The following LRRC75A variants were observed in gnomAD, a reference collection of about 807,000 sequenced individuals.
LRRC75A encodes the protein leucine-rich repeat-containing protein 75A.
Under a neutral mutation model 26.0 loss-of-function variants are expected in LRRC75A, and 12 were observed. That is an observed-to-expected ratio of 0.46 (90% confidence interval 0.30 to 0.75). The LOEUF (loss-of-function observed/expected upper bound fraction) is 0.75, where lower values mean the gene tolerates loss of function less well. LRRC75A is among the 30% of genes least tolerant of loss of function. The pLI, the probability that LRRC75A is intolerant of heterozygous loss-of-function variation, is 0.08. For synonymous variants in LRRC75A, 223 were observed against 219.3 expected (o/e 1.02, Z -0.15); for missense variants, 410 against 486.6 (o/e 0.84, Z 1.48).
chr17:16,447,789 T>C (rs2093598450), intron 3 of LRRC75A, 56 bp downstream of exon 3: 1 of 1,315,580 alleles, frequency 7.6e-7, no homozygotes, highest in Non-Finnish European at 1.0e-6. Context: ...CTGGGAGGGG[T>C]GCCCTGTAAC....
intron 2 of LRRC75A, chr17:16,460,837 G>A (rs1601146156): frequency 1.3e-5 from 2 of 152,378 alleles, no homozygotes; most frequent in Admixed American, 1.3e-4. Flanking sequence ...GGCAGAGTCT[G>A]GCACCTGGCA....
chr17:16,492,010 ACT>A lies in LRRC75A; in HGVS notation c.-22_-21del. The stretch of plus-strand genomic sequence containing the variant: ...GCCCATGCCGCCGCCGCCCGCCGGG[ACT>A]CTCCGCTCTGGGCCGCGAGGCCGCG... On this transcript the variant is annotated 5_prime_UTR_variant, in exon 1 of 4. Transcript: ENST00000470794. 1 of 1,146,532 alleles carries A rather than the reference ACT, an allele frequency of 8.7e-7. No homozygotes were observed. 71.0% of individuals were successfully genotyped at this position (1,146,532 alleles called of 1,614,324 possible).
rs937637516 is a variant in LRRC75A at position 16,491,425 on chromosome 17, C to T, written c.246+320G>A. ...GCCCTGGCCCAGATCAGGCAGGCAT[C>T]CCTGCTTCCCCGCCCACCGACTGTC... On this transcript the variant is annotated intron_variant, in intron 1 of 3. Transcript: ENST00000470794. This position sits in a 1 kb window ranked among gnomAD's most constrained non-coding sequence, Gnocchi z 5.9. 1.3e-5 allele frequency among the ~76,000 whole-genome samples: 2 copies of T among 152,210 alleles called. No homozygotes were observed. The highest frequency in any genetic ancestry group is 1.3e-4 in the Admixed American group (2 of 15,290).
chr17:16,447,143 T>C, intron 3 of LRRC75A: 1 of 229,792 alleles, frequency 4.4e-6, no homozygotes, highest in Non-Finnish European at 9.1e-6. Context: ...CCAGGAAGCC[T>C]TACTTCCAGG....
rs2093859153 is a variant in LRRC75A, at chr17:16,492,168, T to A, written c.-178A>T. 5.5e-6 allele frequency: 2 copies of A among 362,180 alleles called. No homozygotes were observed. Among genetic ancestry groups the A allele is most frequent in the Non-Finnish European group, 7.6e-6 (2 of 262,818 alleles). The allele number at this position is 362,180 out of a possible 1,614,324, so 22.4% of individuals were successfully genotyped here. A position where few individuals can be genotyped will look rare whatever the true frequency, so the allele number is the denominator to read the frequency against. Reference sequence around the variant, plus strand: ...CGGCTGTCGGCGCTCCCCGCGCTCCTCCCTCTTGGCTACCCGGGCGCGCTC... The same window carrying A: ...CGGCTGTCGGCGCTCCCCGCGCTCCACCCTCTTGGCTACCCGGGCGCGCTC... On this transcript the variant is annotated 5_prime_UTR_variant, in exon 1 of 4. Coordinates refer to ENST00000470794, the MANE Select transcript of LRRC75A (RefSeq NM_001113567.3).
intron 1 of LRRC75A, among the ~76,000 whole-genome samples, chr17:16,475,089 T>C (rs1226003881): frequency 1.3e-5 from 2 of 152,088 alleles, no homozygotes; most frequent in African/African-American, 4.8e-5. Flanking sequence ...TAGAGGATCC[T>C]TCTGGCTCCC....
chr17:16,468,410 A>C (rs894200925), intron 1 of LRRC75A, among the ~76,000 whole-genome samples: 1 of 152,274 alleles, frequency 6.6e-6, no homozygotes, highest in South Asian at 2.1e-4. Flanking sequence ...ATGCTACAGC[A>C]TGGTGAACCT....
chr17:16,476,956 T>C (rs1309133537), intron 1 of LRRC75A, among the ~76,000 whole-genome samples: 10 of 151,000 alleles, frequency 6.6e-5, no homozygotes, highest in Admixed American at 1.3e-4. Flanking sequence ...GCCAGGATGG[T>C]CTCAATCTCC....
intron 1 of LRRC75A, among the ~76,000 whole-genome samples, chr17:16,475,107 C>T (rs1440804967): frequency 6.6e-6 from 1 of 152,056 alleles, no homozygotes; most frequent in Non-Finnish European, 1.5e-5. Flanking sequence ...CCCTAACAAC[C>T]TGAGTTCCAA....
intron 2 of LRRC75A, among the ~76,000 whole-genome samples, chr17:16,453,322 A>ACG (rs2093650044): frequency 7.2e-6 from 1 of 139,278 alleles, no homozygotes; most frequent in Non-Finnish European, 1.6e-5. Flanking sequence ...GCACACACGC[A>ACG]CACACGCACA....
chr17:16,447,774 C>T (rs2093598294), intron 3 of LRRC75A, 71 bp downstream of exon 3: 1 of 1,198,200 alleles, frequency 8.3e-7, no homozygotes, highest in Admixed American at 2.6e-5. Flanking sequence ...CCCTTCCCTA[C>T]ATCCCTGGGA....
chr17:16,467,161 T>G (rs1390940094), intron 1 of LRRC75A, among the ~76,000 whole-genome samples: 1 of 152,216 alleles, frequency 6.6e-6, no homozygotes, highest in Non-Finnish European at 1.5e-5. Flanking sequence ...GAACTTGTTA[T>G]TTTTTATTTT....
chr17:16,449,673 A>G lies in LRRC75A; in HGVS notation c.376-1713T>C, dbSNP rs544704460. On this transcript the variant is annotated intron_variant, in intron 2 of 3. Coordinates refer to ENST00000470794, the MANE Select transcript of LRRC75A (RefSeq NM_001113567.3). ...GCTCTGTCACCCAGGCTGGAGTGCA[A>G]TGGCACGATCTCGGCTCACTGCAAC... 3.3e-5 allele frequency among the ~76,000 whole-genome samples: 5 copies of G among 152,214 alleles called. No individual in the cohort carries two copies. The South Asian group carries it at 6.2e-4, about 19-fold the overall frequency.
At chr17:16,448,458 C>A (rs1047855839) in intron 2 of LRRC75A, among the ~76,000 whole-genome samples, 2 of 152,174 alleles carry the variant, frequency 1.3e-5, no homozygotes, top group Admixed American at 6.6e-5. Context: ...GTGTCTCCCT[C>A]AAAAGTGAGA....
chr17:16,487,105 C>G (rs935316088), intron 1 of LRRC75A, among the ~76,000 whole-genome samples: 1 of 152,286 alleles, frequency 6.6e-6, no homozygotes, highest in African/African-American at 2.4e-5. Flanking sequence ...TTGAATGCCT[C>G]CCAGTGTGGC....
rs191558342 is a variant in LRRC75A at position 16,464,729 on chromosome 17, C to T, written c.247-2343G>A. On this transcript the variant is annotated intron_variant, in intron 1 of 3. Coordinates refer to ENST00000470794, the MANE Select transcript of LRRC75A (RefSeq NM_001113567.3). Reference sequence around the variant, plus strand: ...GGCGGGGACCTGAGCACACAGAGTCCACACTGGCCTCATGGTCAGGAGGGT... The same window carrying T: ...GGCGGGGACCTGAGCACACAGAGTCTACACTGGCCTCATGGTCAGGAGGGT... Among the ~76,000 whole-genome samples the T allele has an allele frequency of 1.2e-3, 186 of 152,336 alleles. 1 individual carries two copies. The highest frequency in any genetic ancestry group is 4.2e-3 in the African/African-American group (174 of 41,580).
chr17:16,448,887 C>G (rs1351040012), intron 2 of LRRC75A, among the ~76,000 whole-genome samples: 1 of 152,170 alleles, frequency 6.6e-6, no homozygotes, highest in Admixed American at 6.5e-5. Context: ...CTGTTTAGAC[C>G]ACCAGTCTGT....
rs1358811509 is a variant in LRRC75A at position 16,492,122 on chromosome 17, T to C, written c.-132A>G. 1.3e-6 allele frequency: 1 copy of C among 759,008 alleles called. No homozygotes were observed. The highest frequency in any genetic ancestry group is 1.9e-5 in the African/African-American group (1 of 51,682). 47.0% of individuals were successfully genotyped at this position (759,008 alleles called of 1,614,324 possible). A position where few individuals can be genotyped will look rare whatever the true frequency, so the allele number is the denominator to read the frequency against. On this transcript the variant is annotated 5_prime_UTR_variant, in exon 1 of 4. Coordinates refer to ENST00000470794, the MANE Select transcript of LRRC75A (RefSeq NM_001113567.3). ...TTGGGGGAACTGTTGCGCGCGGGCG[T>C]CGCGGGGGCGGGCGGGCGGGCGGCT...
At chr17:16,490,470 C>T (rs2093854993) in intron 1 of LRRC75A, among the ~76,000 whole-genome samples, 1 of 152,218 alleles carries the variant, frequency 6.6e-6, no homozygotes, top group Non-Finnish European at 1.5e-5. Context: ...TCTCGGGCAT[C>T]ATTCTGGAAG....
Sources: gnomAD v4.1 joint callset for allele counts (sites outside exome capture counted in the v4.1 genomes callset) on GRCh38, gnomAD v4.1.1 for gene constraint, Gnocchi (gnomAD v3.1) non-coding constraint, MANE v1.5 for transcripts, NCBI Gene and HGNC (gene_info 2026-07-23, HGNC 2026-07-21) for gene names.